Variants in KCNQ5 observed in about 807,000 individuals in gnomAD.
KCNQ5 encodes potassium voltage-gated channel subfamily Q member 5, also known as potassium voltage-gated channel subfamily KQT member 5.
Under a neutral mutation model 98.2 loss-of-function variants are expected in KCNQ5, and 30 were observed. The observed-to-expected ratio is 0.31, with a 90% CI of 0.23 to 0.41. The LOEUF is 0.41. Ranked by LOEUF, KCNQ5 falls within the 10% of genes least tolerant of loss-of-function variation. The pLI, the probability that KCNQ5 is intolerant of heterozygous loss-of-function variation, is 1.00. For synonymous variants in KCNQ5, 458 were observed against 449.4 expected (o/e 1.02, Z -0.24); for missense variants, 835 against 1,182.5 (o/e 0.71, Z 4.31).
intron 1 of KCNQ5, among the ~76,000 whole-genome samples, chr6:72,780,246 C>T (rs1405521957): frequency 1.3e-5 from 2 of 152,124 alleles, no homozygotes; most frequent in African/African-American, 2.4e-5. Flanking sequence ...GAGGCCTGTC[C>T]GACTCCAAGC....
At chr6:73,034,036 G>T (rs1771280253) in intron 2 of KCNQ5, among the ~76,000 whole-genome samples, 1 of 152,210 alleles carries the variant, frequency 6.6e-6, no homozygotes, top group African/African-American at 2.4e-5. Flanking sequence ...AATTCCGGAA[G>T]ATATTTACTT....
chr6:72,699,866 G>A (rs145790657), intron 1 of KCNQ5, among the ~76,000 whole-genome samples: 18 of 152,250 alleles, frequency 1.2e-4, no homozygotes, highest in African/African-American at 3.9e-4. Context: ...GAGCAAAACA[G>A]TTAACATTTA....
intron 1 of KCNQ5, among the ~76,000 whole-genome samples, chr6:72,737,083 C>G (rs1488109823): frequency 1.3e-5 from 2 of 152,202 alleles, no homozygotes; most frequent in East Asian, 3.9e-4. Context: ...GCCTCAGCCT[C>G]CCAAGTAGCT....
intron 11 of KCNQ5, among the ~76,000 whole-genome samples, chr6:73,188,725 C>T (rs1470479845): frequency 6.6e-6 from 1 of 152,168 alleles, no homozygotes; most frequent in Non-Finnish European, 1.5e-5. Context: ...TGGCTCACGC[C>T]TGTAATCCCA....
intron 1 of KCNQ5, among the ~76,000 whole-genome samples, chr6:72,871,956 G>A (rs1581934115): frequency 6.6e-6 from 1 of 152,230 alleles, no homozygotes; most frequent in East Asian, 1.9e-4. Context: ...CCCTCTTCCA[G>A]GATAGGAGGC....
At chr6:72,814,922 G>T (rs556524833) in intron 1 of KCNQ5, among the ~76,000 whole-genome samples, 1 of 152,278 alleles carries the variant, frequency 6.6e-6, no homozygotes, top group East Asian at 1.9e-4. Flanking sequence ...AAACGGTTTG[G>T]TGTAATATTC....
rs375590228 is a variant in KCNQ5, at chr6:72,916,129, C to T, written c.399-87779C>T. ...ATTTTTAATGGTAAATTATTAAAAACGGAGCTCTTTTATACCACAGTGACA... is the reference window on the plus strand; with the variant it reads ...ATTTTTAATGGTAAATTATTAAAAATGGAGCTCTTTTATACCACAGTGACA... On this transcript the variant is annotated intron_variant, in intron 1 of 13. Transcript: ENST00000370398. 2.1e-4 allele frequency among the ~76,000 whole-genome samples: 32 copies of T among 152,194 alleles called. 1 individual carries two copies. The East Asian group carries it at 5.4e-3, about 26-fold the overall frequency.
At chr6:72,639,857 A>C (rs1021360686) in intron 1 of KCNQ5, among the ~76,000 whole-genome samples, 3 of 152,144 alleles carry the variant, frequency 2.0e-5, no homozygotes, top group African/African-American at 7.2e-5. Context: ...ACAAATAAAA[A>C]AGCCTCAGGA....
rs139668332 is a variant in KCNQ5 at position 73,132,047 on chromosome 6, T to C, written c.1248-1374T>C. Among the ~76,000 whole-genome samples, 5 of 152,344 alleles carry C rather than the reference T, an allele frequency of 3.3e-5. No individual in the cohort carries two copies. The East Asian group carries it at 5.8e-4, about 18-fold the overall frequency. ...ACGTGGTGCCCTTTTAGAATATCGT[T>C]TGTTAAGCAACTAGGCATGGAAAAA... On this transcript the variant is annotated intron_variant, in intron 9 of 13. Transcript: ENST00000370398.
intron 1 of KCNQ5, among the ~76,000 whole-genome samples, chr6:72,960,042 T>G (rs1767262367): frequency 6.6e-6 from 1 of 152,228 alleles, no homozygotes; most frequent in African/African-American, 2.4e-5. Context: ...TTGCGTATGC[T>G]GAGTTTTTAT....
At chr6:72,986,686 C>A in intron 1 of KCNQ5, 1 of 1,087,424 alleles carries the variant, frequency 9.2e-7, no homozygotes, top group Non-Finnish European at 1.4e-6. Flanking sequence ...TGGAGTTCCT[C>A]TGTGGGGAGA....
At chr6:72,623,576 T>G (rs970994367) in intron 1 of KCNQ5, among the ~76,000 whole-genome samples, 1 of 152,196 alleles carries the variant, frequency 6.6e-6, no homozygotes, top group African/African-American at 2.4e-5. Flanking sequence ...AGTCTCCTAT[T>G]AGAGTTACGT....
At chr6:72,845,506 G>A (rs555882483) in intron 1 of KCNQ5, among the ~76,000 whole-genome samples, 1 of 152,280 alleles carries the variant, frequency 6.6e-6, no homozygotes, top group Middle Eastern at 3.4e-3. Context: ...ATCAGATATT[G>A]TTATATGAAG....
intron 1 of KCNQ5, among the ~76,000 whole-genome samples, chr6:72,757,882 A>G (rs1196362306): frequency 2.6e-5 from 4 of 152,266 alleles, no homozygotes; most frequent in Middle Eastern, 3.4e-3. Flanking sequence ...CATATCAATG[A>G]GCTCTTTTTG....
intron 1 of KCNQ5, among the ~76,000 whole-genome samples, chr6:72,684,192 A>G (rs923104067): frequency 3.3e-5 from 5 of 152,230 alleles, no homozygotes; most frequent in African/African-American, 1.2e-4. Flanking sequence ...TCCACCATCC[A>G]TAGTCACCAA....
At chr6:73,112,344 T>C (rs976028671) in intron 7 of KCNQ5, among the ~76,000 whole-genome samples, 2 of 151,464 alleles carry the variant, frequency 1.3e-5, no homozygotes, top group African/African-American at 4.9e-5. Flanking sequence ...ATTTTTTGTT[T>C]GTTTTGTTTT....
At chr6:72,638,718 A>G (rs973734154) in intron 1 of KCNQ5, among the ~76,000 whole-genome samples, 2 of 152,104 alleles carry the variant, frequency 1.3e-5, no homozygotes, top group African/African-American at 4.8e-5. Context: ...ACATGATAAT[A>G]TATTTAAAAG....
At chr6:72,818,100 C>A (rs1170534347) in intron 1 of KCNQ5, among the ~76,000 whole-genome samples, 1 of 151,982 alleles carries the variant, frequency 6.6e-6, no homozygotes, top group African/African-American at 2.4e-5. Context: ...TTTGAATGAA[C>A]CTTAACTTAA....
At chr6:73,014,226 A>G (rs1770211569) in intron 2 of KCNQ5, among the ~76,000 whole-genome samples, 1 of 152,136 alleles carries the variant, frequency 6.6e-6, no homozygotes. Context: ...ACTTCTTGCC[A>G]TCCAGATTAA....
Sources: allele counts gnomAD v4.1 joint callset (sites outside exome capture counted in the v4.1 genomes callset), GRCh38; gene constraint gnomAD v4.1.1; transcripts MANE v1.5; gene names NCBI Gene and HGNC (gene_info 2026-07-23, HGNC 2026-07-21).